Variants in IPMK observed in about 807,000 individuals in gnomAD.
IPMK encodes inositol polyphosphate multikinase.
A neutral mutation model predicts 45.8 loss-of-function variants in IPMK; 17 were observed. The observed-to-expected ratio is 0.37, with a 90% CI of 0.25 to 0.56. The LOEUF (loss-of-function observed/expected upper bound fraction) is 0.56. IPMK is among the 20% of genes least tolerant of loss of function. IPMK has a pLI of 0.79. For missense variants in IPMK, 399 were observed against 498.0 expected, an observed-to-expected ratio of 0.80 and a Z score of 1.89; for synonymous variants, 180 against 184.3, an observed-to-expected ratio of 0.98 and a Z score of 0.19.
rs1191822281 is a variant in IPMK, at chr10:58,267,564, G to A, written c.48C>T (p.Pro16=). ...TCGCCGGTGAGGTCCGCATTTCTGGGGGGCCCGGCGCCTCGACCCGGAGGG... is the reference window on the plus strand; with the variant it reads ...TCGCCGGTGAGGTCCGCATTTCTGGAGGGCCCGGCGCCTCGACCCGGAGGG... The part of the protein sequence containing the change: ...PSPLRVEAPG[P]PEMRTSPAIE... Residue 16 remains proline, a synonymous_variant, in exon 1 of 6, where the codon CCC becomes CCT. Coordinates refer to ENST00000373935, the MANE Select transcript of IPMK (RefSeq NM_152230.5). 6.2e-7 allele frequency: 1 copy of A among 1,609,652 alleles called. No homozygotes were observed. Among genetic ancestry groups the A allele is most frequent in the East Asian group, 2.2e-5 (1 of 44,696 alleles).
rs1245668295 is a variant in IPMK at position 58,194,703 on chromosome 10, C to A, written c.*1373G>T. 2 of 151,902 alleles carry A rather than the reference C, an allele frequency of 1.3e-5. No individual in the cohort carries two copies. Among genetic ancestry groups the A allele is most frequent in the Non-Finnish European group, 2.9e-5 (2 of 67,834 alleles). The allele number at this position is 151,902 out of a possible 1,614,324, so 9.4% of individuals were successfully genotyped here. A position where few individuals can be genotyped will look rare whatever the true frequency, so the allele number is the denominator to read the frequency against. ...GAAAAAGAGGAGAAAGAATTTACAA[C>A]CCCAAAATATTTTCCAGGAATATGA... On this transcript the variant is annotated 3_prime_UTR_variant, in exon 6 of 6. Transcript: ENST00000373935.
intron 1 of IPMK, among the ~76,000 whole-genome samples, chr10:58,245,882 C>A (rs1397956107): frequency 1.5e-5 from 2 of 136,590 alleles, no homozygotes; most frequent in African/African-American, 6.5e-5. Context: ...TTGCAGACGA[C>A]ATGATTGTAT....
chr10:58,251,778 T>A (rs1838884164), intron 1 of IPMK, among the ~76,000 whole-genome samples: 1 of 152,244 alleles, frequency 6.6e-6, no homozygotes, highest in African/African-American at 2.4e-5. Flanking sequence ...CAGTTTATTT[T>A]ATCTGATACA....
At chr10:58,197,326 A>ATACATACATACATAC (rs1837914963) in intron 5 of IPMK, among the ~76,000 whole-genome samples, 6 of 146,510 alleles carry the variant, frequency 4.1e-5, no homozygotes, top group South Asian at 4.2e-4. Context: ...TAAATAAATA[A>ATACATACATACATAC]ATACATAAAT....
At chr10:58,206,983 G>GTGTA (rs1838079403) in intron 4 of IPMK, among the ~76,000 whole-genome samples, 2 of 150,338 alleles carry the variant, frequency 1.3e-5, no homozygotes, top group African/African-American at 4.9e-5. Flanking sequence ...AGTCCACCAT[G>GTGTA]TATATATATA....
chr10:58,248,146 T>C (rs921352192), intron 1 of IPMK, among the ~76,000 whole-genome samples: 1 of 152,102 alleles, frequency 6.6e-6, no homozygotes, highest in Admixed American at 6.5e-5. Flanking sequence ...AAACACTGTT[T>C]ATACTTCACT....
chr10:58,196,341 T>C lies in IPMK; in HGVS notation c.986A>G (p.His329Arg). 1 of 1,614,218 alleles carries C rather than the reference T, an allele frequency of 6.2e-7. No individual in the cohort carries two copies. Among genetic ancestry groups the C allele is most frequent in the South Asian group, 1.1e-5 (1 of 91,082 alleles). The change falls in exon 6 of 6, where the codon CAT becomes CGT. Residue 329 changes from histidine to arginine, a missense_variant. This residue lies in a region of IPMK where 288 missense variants were observed against 398.0 expected (regional missense o/e 0.72). Transcript: ENST00000373935. ...ARHRKIYTKKHHSQTSLKVEN... is the reference protein window; with the variant it reads ...ARHRKIYTKKRHSQTSLKVEN... ...AACTTTCAATGAAGTCTGACTGTGA[T>C]GCTTTTTTGTATATATTTTCCTGTG...
chr10:58,245,056 A>T lies in IPMK; in HGVS notation c.191-7242T>A, dbSNP rs149720014. Among the ~76,000 whole-genome samples, 1,090 of 143,074 alleles carry T rather than the reference A, an allele frequency of 7.6e-3. 12 individuals are homozygous for T. Among genetic ancestry groups the T allele is most frequent in the African/African-American group, 0.024 (881 of 36,456 alleles). The allele number at this position is 143,074 out of a possible 152,430, so 93.9% of individuals were successfully genotyped here. A position where few individuals can be genotyped will look rare whatever the true frequency, so the allele number is the denominator to read the frequency against. On this transcript the variant is annotated intron_variant, in intron 1 of 5. Transcript: ENST00000373935. ...TGATCAATAAATACTAAAAAAAAAA[A>T]AATAATAAAATAAACAAATTAAAAT...
chr10:58,225,279 C>A (rs1419311425), intron 3 of IPMK, among the ~76,000 whole-genome samples: 2 of 152,094 alleles, frequency 1.3e-5, no homozygotes, highest in Non-Finnish European at 2.9e-5. Flanking sequence ...GGTGGTATTA[C>A]TTTCTATTTG....
intron 2 of IPMK, among the ~76,000 whole-genome samples, chr10:58,231,150 C>T (rs921155968): frequency 5.9e-5 from 9 of 152,132 alleles, no homozygotes; most frequent in African/African-American, 2.2e-4. Flanking sequence ...AAGAAATGAA[C>T]AAAGCCTCCA....
chr10:58,262,885 T>G (rs1839095834), intron 1 of IPMK, among the ~76,000 whole-genome samples: 1 of 152,040 alleles, frequency 6.6e-6, no homozygotes, highest in South Asian at 2.1e-4. Flanking sequence ...GAAGAGCTAT[T>G]TCTTGGAATG....
At chr10:58,197,656 AAAAG>A (rs1160222659) in intron 5 of IPMK, among the ~76,000 whole-genome samples, 40 of 130,128 alleles carry the variant, frequency 3.1e-4, no homozygotes, top group African/African-American at 1.2e-3. Context: ...TCTCAAAAAA[AAAAG>A]AAAAGAAAAG....
At chr10:58,222,174 T>C (rs1346145161) in intron 3 of IPMK, among the ~76,000 whole-genome samples, 1 of 152,196 alleles carries the variant, frequency 6.6e-6, no homozygotes, top group Non-Finnish European at 1.5e-5. Flanking sequence ...TGAGAGCCAA[T>C]GTGCCTGGTA....
intron 1 of IPMK, among the ~76,000 whole-genome samples, chr10:58,253,242 C>A (rs943505570): frequency 2.0e-5 from 3 of 152,162 alleles, no homozygotes; most frequent in Non-Finnish European, 2.9e-5. Flanking sequence ...GATTGTAAGG[C>A]CTCCTGAGCC....
intron 1 of IPMK, among the ~76,000 whole-genome samples, chr10:58,242,408 C>A (rs1246012060): frequency 2.1e-5 from 3 of 146,054 alleles, no homozygotes; most frequent in African/African-American, 7.7e-5. Context: ...TGCAGCGAGT[C>A]GCGATTGTGC....
chr10:58,239,572 A>G (rs1255627150), intron 1 of IPMK, among the ~76,000 whole-genome samples: 1 of 152,196 alleles, frequency 6.6e-6, no homozygotes, highest in African/African-American at 2.4e-5. Flanking sequence ...ATGGGATAGC[A>G]GGATGGATTA....
At chr10:58,222,744 T>C (rs1838355932) in intron 3 of IPMK, among the ~76,000 whole-genome samples, 1 of 152,228 alleles carries the variant, frequency 6.6e-6, no homozygotes, top group Admixed American at 6.5e-5. Context: ...AAATACCACG[T>C]GTTCAGAAAT....
rs1282081725 is a variant in IPMK at position 58,196,380 on chromosome 10, T to C, written c.947A>G (p.Lys316Arg). ...TATTTTCCTGTGACGCGCATACATC[T>C]TGGACAAGCTTTTGCCCACTGAAGA... Reference protein sequence around the residue: ...IESSVGKSLSKMYARHRKIYT... With the variant: ...IESSVGKSLSRMYARHRKIYT... The change falls in exon 6 of 6, where the codon AAG (lysine) becomes AGG (arginine). Residue 316 changes from lysine (K) to arginine (R), a missense_variant. This residue lies in a region of IPMK where 288 missense variants were observed against 398.0 expected (regional missense o/e 0.72). Transcript: ENST00000373935. The C allele has an allele frequency of 6.2e-7, 1 of 1,614,160 alleles. No individual in the cohort carries two copies. The highest frequency in any genetic ancestry group is 2.2e-5 in the East Asian group (1 of 44,868).
intron 1 of IPMK, among the ~76,000 whole-genome samples, chr10:58,245,535 A>C (rs11006091): frequency 0.33 from 50,226 of 150,062 alleles, 10,651 homozygotes; most frequent in African/African-American, 0.6. Context: ...TCGCTTGAAC[A>C]CAGGAGGCGG....
Sources: gnomAD v4.1 joint callset for allele counts (sites outside exome capture counted in the v4.1 genomes callset) on GRCh38, gnomAD v4.1.1 for gene constraint, gnomAD v4.1.1 regional missense constraint, MANE v1.5 for transcripts, NCBI Gene and HGNC (gene_info 2026-07-23, HGNC 2026-07-21) for gene names.